Variants in CCDC57 observed in about 807,000 individuals in gnomAD.
The protein encoded by CCDC57 is coiled-coil domain containing 57.
In CCDC57, 118 loss-of-function variants were observed where a neutral mutation model predicts 118.9. That is an observed-to-expected ratio of 0.99 (90% confidence interval 0.86 to 1.16). The LOEUF is 1.16. Among genes scored for constraint, CCDC57 ranks in the 50% most tolerant of loss-of-function variants. The probability of loss-of-function intolerance (pLI) is 0.00; values close to 1 mark genes in which losing one functional copy is unlikely to be tolerated. For synonymous variants in CCDC57, 527 were observed against 532.9 expected, an observed-to-expected ratio of 0.99 and a Z score of 0.15; for missense variants, 1,300 against 1,320.7, an observed-to-expected ratio of 0.98 and a Z score of 0.24.
chr17:82,102,089 GACTGGGCCTGCCCCTCC>G (rs1460516519), intron 19 of CCDC57, among the ~76,000 whole-genome samples: 3 of 152,246 alleles, frequency 2.0e-5, no homozygotes, highest in Admixed American at 2.0e-4. Flanking sequence ...GCTTGGCAGG[GACTGGGCCTGCCCCTCC>G]ACTGGGCACC....
chr17:82,116,390 G>T (rs1259729271), intron 19 of CCDC57, among the ~76,000 whole-genome samples: 1 of 151,958 alleles, frequency 6.6e-6, no homozygotes, highest in African/African-American at 2.4e-5. Flanking sequence ...CACCCCCAGG[G>T]AGCGGCCCAG....
chr17:82,184,016 T>TGCGCGCGCGCGCGC (rs141760654), intron 8 of CCDC57, 84 bp from the exon 8 acceptor site: 72 of 305,856 alleles, frequency 2.4e-4, no homozygotes, highest in Non-Finnish European at 3.1e-4. Flanking sequence ...CAAATACACA[T>TGCGCGCGCGCGCGC]GCGCGCGCGC....
chr17:82,145,020 T>C (rs1194282289), intron 16 of CCDC57, among the ~76,000 whole-genome samples: 6 of 104,268 alleles, frequency 5.8e-5, no homozygotes, highest in Non-Finnish European at 1.2e-4. Flanking sequence ...TTTTCTTTTT[T>C]TTTTTCTTTT....
intron 8 of CCDC57, among the ~76,000 whole-genome samples, chr17:82,186,918 G>C (rs12453084): frequency 0.18 from 27,707 of 151,570 alleles, 3,217 homozygotes; most frequent in East Asian, 0.43. Flanking sequence ...CTCCAGCCTA[G>C]ACAACAGAGT....
chr17:82,198,811 A>T lies in CCDC57; in HGVS notation c.408-389T>A, dbSNP rs141701859. ...CGAGAGCATCCTGGCTAACACGGTG[A>T]AACCCCGTCTCTACAAAAAAATACA... On this transcript the variant is annotated intron_variant, in intron 3 of 19. Coordinates refer to ENST00000665763, the Ensembl canonical transcript of CCDC57. Among the ~76,000 whole-genome samples, 320 of 152,010 alleles carry T rather than the reference A, an allele frequency of 2.1e-3. 2 individuals carry two copies. Among genetic ancestry groups the T allele is most frequent in the Admixed American group, 5.6e-3 (85 of 15,276 alleles).
intron 19 of CCDC57, among the ~76,000 whole-genome samples, chr17:82,116,603 A>G (rs1191042296): frequency 6.6e-6 from 1 of 152,208 alleles, no homozygotes; most frequent in African/African-American, 2.4e-5. Flanking sequence ...TCCAGGGTGC[A>G]GAACAAGGGC....
intron 17 of CCDC57, among the ~76,000 whole-genome samples, chr17:82,133,809 G>A (rs1005756614): frequency 2.0e-5 from 3 of 151,970 alleles, no homozygotes; most frequent in Non-Finnish European, 2.9e-5. Context: ...GTAGTGAGCC[G>A]AGATTGCACC....
exon 9 of CCDC57, chr17:82,183,873 G>C: frequency 3.1e-6 from 5 of 1,613,648 alleles, no homozygotes; most frequent in Non-Finnish European, 4.2e-6. Context: ...CATCTCCTTA[G>C]ATAGTTGAGC....
chr17:82,202,019 T>TAC (rs1403491356), intron 2 of CCDC57, 67 bp from the exon 2 acceptor site: 2 of 1,394,998 alleles, frequency 1.4e-6, no homozygotes, highest in Admixed American at 5.0e-5. Context: ...CCACAGTACC[T>TAC]ACCTCACATT....
At chr17:82,161,100 G>A (rs1443291252) in intron 14 of CCDC57, among the ~76,000 whole-genome samples, 1 of 152,106 alleles carries the variant, frequency 6.6e-6, no homozygotes, top group Non-Finnish European at 1.5e-5. Context: ...ACGCACATGA[G>A]ACGATGCTCG....
At chr17:82,138,147 CTTTTT>C (rs569568425) in intron 16 of CCDC57, among the ~76,000 whole-genome samples, 7 of 118,288 alleles carry the variant, frequency 5.9e-5, no homozygotes, top group South Asian at 3.0e-4. Flanking sequence ...AGGAGGATCT[CTTTTT>C]TTTTTTTTTT....
intron 15 of CCDC57, 71 bp from the exon 15 acceptor site, chr17:82,151,844 C>G: frequency 3.0e-6 from 4 of 1,338,170 alleles, no homozygotes; most frequent in Non-Finnish European, 4.1e-6. Context: ...GGTGCCCACC[C>G]AAGGAGCCTC....
In CCDC57 at chr17:82,115,953, G is replaced by A. The variant is rs533067356; in HGVS notation, c.2899+11739C>T. ...GCTGGGTTTACAGGTGCCTGCAACCGTGCCAGGCTAATTTTTCTTATTTTT... is the reference window on the plus strand; with the variant it reads ...GCTGGGTTTACAGGTGCCTGCAACCATGCCAGGCTAATTTTTCTTATTTTT... On this transcript the variant is annotated intron_variant, in intron 19 of 19. Transcript: ENST00000665763. 6.1e-4 allele frequency among the ~76,000 whole-genome samples: 92 copies of A among 151,140 alleles called. 1 individual carries two copies. Among genetic ancestry groups the A allele is most frequent in the South Asian group, 2.1e-3 (10 of 4,792 alleles).
chr17:82,158,361 G>A (rs946242340), intron 14 of CCDC57, among the ~76,000 whole-genome samples: 6 of 152,294 alleles, frequency 3.9e-5, no homozygotes, highest in South Asian at 2.1e-4. Flanking sequence ...GAGGTAAACA[G>A]GCCAGGAAGT....
At chr17:82,198,079 T>C (rs2048522138) in intron 4 of CCDC57, among the ~76,000 whole-genome samples, 1 of 152,084 alleles carries the variant, frequency 6.6e-6, no homozygotes, top group Non-Finnish European at 1.5e-5. Context: ...CCCTGACTAA[T>C]CCATGAGGAA....
At position 82,127,923 on chromosome 17, in the gene CCDC57, A is replaced by G. The variant is rs1468738576; in HGVS notation, c.2683-15T>C. 1 of 1,610,450 alleles carries G rather than the reference A, an allele frequency of 6.2e-7. No individual in the cohort carries two copies. On this transcript the variant is annotated splice_polypyrimidine_tract_variant and intron_variant, in intron 18 of 19. Coordinates refer to ENST00000665763, the Ensembl canonical transcript of CCDC57. The stretch of plus-strand genomic sequence containing the variant: ...CTGTGTTGTGTCTAGAAAAGACATC[A>G]TCGTCTTGAAAGCCACCCTCTCCAA...
intron 16 of CCDC57, among the ~76,000 whole-genome samples, chr17:82,139,636 G>A (rs1245773698): frequency 6.6e-6 from 1 of 150,616 alleles, no homozygotes; most frequent in Non-Finnish European, 1.5e-5. Context: ...GATTACAGGC[G>A]TAAGCCACCA....
intron 19 of CCDC57, among the ~76,000 whole-genome samples, chr17:82,121,990 T>C (rs1253374465): frequency 4.6e-5 from 7 of 152,072 alleles, no homozygotes; most frequent in African/African-American, 1.4e-4. Flanking sequence ...TGCTGCTGTG[T>C]CAGGAACGCT....
exon 20 of CCDC57, chr17:82,101,563 A>T: frequency 1.2e-6 from 1 of 855,958 alleles, no homozygotes; most frequent in South Asian, 1.9e-5. Context: ...CCTGCCCTGC[A>T]GCTCCCTGCC....
Sources: gnomAD v4.1 joint callset for allele counts (sites outside exome capture counted in the v4.1 genomes callset) on GRCh38, gnomAD v4.1.1 for gene constraint, MANE v1.5 for transcripts, NCBI Gene and HGNC (gene_info 2026-07-23, HGNC 2026-07-21) for gene names.